The following NCOA6 variants were observed in gnomAD, a reference collection of about 807,000 sequenced individuals.
NCOA6 encodes the protein nuclear receptor coactivator 6.
In NCOA6, 49 loss-of-function variants were observed where a neutral mutation model predicts 171.4. That is an observed-to-expected ratio of 0.29 (90% CI 0.23 to 0.36). The LOEUF (loss-of-function observed/expected upper bound fraction) is 0.36, where lower values mean the gene tolerates loss of function less well. Ranked by LOEUF, NCOA6 falls within the 10% of genes least tolerant of loss-of-function variation. The probability of loss-of-function intolerance (pLI) is 1.00; values close to 1 mark genes in which losing one functional copy is unlikely to be tolerated. For synonymous variants in NCOA6, 910 were observed against 927.5 expected (o/e 0.98, Z 0.34); for missense variants, 2,248 against 2,554.5 (o/e 0.88, Z 2.59).
At chr20:34,740,162 C>T (rs1238343728) in intron 11 of NCOA6, among the ~76,000 whole-genome samples, 10 of 152,302 alleles carry the variant, frequency 6.6e-5, no homozygotes, top group Admixed American at 6.5e-5. Context: ...CGCACCTGGC[C>T]CTTAGCTCTC....
At chr20:34,788,353 C>G (rs1352561864) in intron 2 of NCOA6, among the ~76,000 whole-genome samples, 1 of 152,068 alleles carries the variant, frequency 6.6e-6, no homozygotes, top group Non-Finnish European at 1.5e-5. Context: ...CGTGAGCCAT[C>G]GTGCCTGGCC....
chr20:34,768,722 G>C, intron 4 of NCOA6, 136 bp from the exon 5 acceptor site: 1 of 955,420 alleles, frequency 1.0e-6, no homozygotes, highest in Non-Finnish European at 1.5e-6. Context: ...AAAATGGTGG[G>C]TTCAATGTAG....
At chr20:34,805,658 T>C (rs2078425165) in intron 1 of NCOA6, among the ~76,000 whole-genome samples, 1 of 151,964 alleles carries the variant, frequency 6.6e-6, no homozygotes, top group Admixed American at 6.6e-5. Context: ...GTGGGATTGC[T>C]GGATCATATG....
Position 34,757,760 on chromosome 20 carries a change from G to A in NCOA6, c.988C>T (p.Pro330Ser). ...QLPSGALQPP[P>S]AQGSLGTMTA... ...ATTGTGCCCAGAGAACCCTGGGCTG[G>A]AGGAGGTTGAAGGGCTCCAGAAGGC... The change falls in exon 7 of 15, where the codon CCA (proline) becomes TCA (serine). Residue 330 changes from proline to serine, a missense_variant. By Grantham distance (74) the Pro-to-Ser change is moderately conservative. Around this residue, in one of 7 missense-constraint regions of NCOA6, gnomAD observed 987 missense variants for 1,104.7 expected, o/e 0.89. Coordinates refer to ENST00000359003, the MANE Select transcript of NCOA6 (RefSeq NM_014071.5). 1 of 1,614,194 alleles carries A rather than the reference G, an allele frequency of 6.2e-7. No homozygotes were observed. Among genetic ancestry groups the A allele is most frequent in the South Asian group, 1.1e-5 (1 of 91,084 alleles).
At chr20:34,781,340 T>C (rs1462896641) in intron 3 of NCOA6, among the ~76,000 whole-genome samples, 1 of 152,204 alleles carries the variant, frequency 6.6e-6, no homozygotes, top group East Asian at 1.9e-4. Flanking sequence ...GATTAGATAA[T>C]TGTGCTAACT....
chr20:34,765,275 C>G (rs2076944550), intron 5 of NCOA6, among the ~76,000 whole-genome samples: 1 of 151,226 alleles, frequency 6.6e-6, no homozygotes, highest in Non-Finnish European at 1.5e-5. Flanking sequence ...ACACAGTGAA[C>G]CCTCGTCTCT....
chr20:34,762,817 G>C (rs1342143872), intron 5 of NCOA6, among the ~76,000 whole-genome samples: 1 of 152,114 alleles, frequency 6.6e-6, no homozygotes, highest in Non-Finnish European at 1.5e-5. Context: ...GCAAGGGTCT[G>C]TTAATGGTAA....
intron 2 of NCOA6, among the ~76,000 whole-genome samples, chr20:34,787,121 TG>T (rs745471429): frequency 8.1e-6 from 1 of 123,008 alleles, no homozygotes; most frequent in Non-Finnish European, 1.8e-5. Context: ...AACAAATTTA[TG>T]AAAAAAAAAA....
chr20:34,775,458 G>A (rs1600969122), intron 4 of NCOA6, among the ~76,000 whole-genome samples: 1 of 152,142 alleles, frequency 6.6e-6, no homozygotes, highest in Admixed American at 6.5e-5. Flanking sequence ...GGCCGAGAGG[G>A]TGGATCACCT....
intron 4 of NCOA6, 50 bp from the exon 5 acceptor site, chr20:34,768,636 A>G (rs750350249): frequency 1.2e-6 from 2 of 1,603,452 alleles, no homozygotes; most frequent in Non-Finnish European, 1.7e-6. Flanking sequence ...TAAAATGCAA[A>G]TTTTGTTTAT....
At chr20:34,801,802 T>C (rs1221660715) in intron 1 of NCOA6, among the ~76,000 whole-genome samples, 3 of 151,720 alleles carry the variant, frequency 2.0e-5, no homozygotes, top group African/African-American at 7.3e-5. Context: ...GAGGTGGAGG[T>C]TGCAATGAGC....
At chr20:34,802,190 G>T (rs2078276807) in intron 1 of NCOA6, among the ~76,000 whole-genome samples, 1 of 152,214 alleles carries the variant, frequency 6.6e-6, no homozygotes, top group Admixed American at 6.5e-5. Flanking sequence ...TCATAGGCTG[G>T]GTGCGGTGGC....
chr20:34,779,897 A>G (rs1442344525), intron 3 of NCOA6, among the ~76,000 whole-genome samples: 1 of 152,224 alleles, frequency 6.6e-6, no homozygotes, highest in Non-Finnish European at 1.5e-5. Flanking sequence ...GGAATTTAGA[A>G]AAGATTAGAC....
At chr20:34,743,608 AG>A (rs1480953418) in intron 10 of NCOA6, among the ~76,000 whole-genome samples, 1 of 152,134 alleles carries the variant, frequency 6.6e-6, no homozygotes, top group Non-Finnish European at 1.5e-5. Context: ...CTGTACTAAG[AG>A]CCTGATTTTC....
chr20:34,738,000 G>A (rs144302681), intron 11 of NCOA6, among the ~76,000 whole-genome samples: 2,122 of 152,260 alleles, frequency 0.014, 58 homozygotes, highest in African/African-American at 0.048. Flanking sequence ...CTGGGCTCAA[G>A]CAATCCTCCC....
At chr20:34,762,345 A>G (rs1389514476) in intron 5 of NCOA6, among the ~76,000 whole-genome samples, 1 of 152,160 alleles carries the variant, frequency 6.6e-6, no homozygotes, top group Non-Finnish European at 1.5e-5. Flanking sequence ...TTCCTGTAAC[A>G]GCACATAGGT....
rs758456559 is a variant in NCOA6 at position 34,740,837 on chromosome 20, G to A, written c.5419C>T (p.Arg1807Trp). The A allele has an allele frequency of 6.4e-5, 104 of 1,614,066 alleles. No homozygotes were observed. The Admixed American group carries it at 1.3e-3, about 20-fold the overall frequency. ...TTACTAGACGAGACTGGGCTTCGCC[G>A]GTTGCCAGAGGACCCTGGACTATTG... ...LTNSPGSSGN[R>W]RSPVSSSKGK... The change falls in exon 11 of 15, where the codon CGG becomes TGG. Residue 1807 changes from arginine (R) to tryptophan (W), a missense_variant. By Grantham distance (101) the Arg-to-Trp change is moderately radical (BLOSUM62 -3). Transcript: ENST00000359003.
rs114609609 is a variant in NCOA6 at position 34,752,415 on chromosome 20, T to C, written c.1676-1896A>G. Among the ~76,000 whole-genome samples the C allele has an allele frequency of 4.7e-3, 717 of 152,292 alleles. 4 individuals carry two copies. Among genetic ancestry groups the C allele is most frequent in the African/African-American group, 0.017 (687 of 41,566 alleles). On this transcript the variant is annotated intron_variant, in intron 8 of 14. Coordinates refer to ENST00000359003, the MANE Select transcript of NCOA6 (RefSeq NM_014071.5). ...AATTATTCATTAAGTACCTGATACA[T>C]AGAAGGCACTTTGGTGCTGAGGTAA... is the stretch of plus-strand genomic sequence containing the variant.
rs1380400438 is a variant in NCOA6 at position 34,741,396 on chromosome 20, C to T, written c.4860G>A (p.Leu1620=). 2 of 1,614,086 alleles carry T rather than the reference C, an allele frequency of 1.2e-6. No individual in the cohort carries two copies. Among genetic ancestry groups the T allele is most frequent in the Non-Finnish European group, 1.7e-6 (2 of 1,180,040 alleles). Reference sequence around the variant, plus strand: ...CAACTGTTGACATCAATGCAGACTGCAAGTGAGTTGGCAAAGCTGCTGATG... The same window carrying T: ...CAACTGTTGACATCAATGCAGACTGTAAGTGAGTTGGCAAAGCTGCTGATG... The part of the protein sequence containing the change: ...ANTSAALPTH[L]QSALMSTVVT... Residue 1620 remains leucine (L), a synonymous_variant, in exon 11 of 15, where the codon TTG becomes TTA. Transcript: ENST00000359003.
Sources: allele counts gnomAD v4.1 joint callset (sites outside exome capture counted in the v4.1 genomes callset), GRCh38; gene constraint gnomAD v4.1.1; regional missense constraint gnomAD v4.1.1; transcripts MANE v1.5; gene names NCBI Gene and HGNC (gene_info 2026-07-23, HGNC 2026-07-21).